Variants in PCDHA13 observed in about 807,000 individuals in gnomAD.
PCDHA13 encodes protocadherin alpha-13.
A neutral mutation model predicts 64.8 loss-of-function variants in PCDHA13; 54 were observed. The ratio of observed to expected loss-of-function variants is 0.83; its 90% confidence interval spans 0.67 to 1.04. The LOEUF (loss-of-function observed/expected upper bound fraction) is 1.04, where lower values mean the gene tolerates loss of function less well. Among genes scored for constraint, PCDHA13 ranks in the 50% least tolerant of loss-of-function variants. PCDHA13 has a pLI of 0.00. For missense variants in PCDHA13, 1,248 were observed against 1,254.3 expected, an observed-to-expected ratio of 0.99 and a Z score of 0.08; for synonymous variants, 587 against 564.4, an observed-to-expected ratio of 1.04 and a Z score of -0.57.
chr5:141,006,383 T>C (rs1431976303), intron 3 of PCDHA13, among the ~76,000 whole-genome samples: 1 of 151,992 alleles, frequency 6.6e-6, no homozygotes, highest in African/African-American at 2.4e-5. Context: ...GGCTAAGTTT[T>C]TTCTATTTTT....
rs1554181343 is a variant in PCDHA13, at chr5:140,884,223, A to G, written c.1955A>G (p.Lys652Arg). ...CACCACCGCCTTCTGGTGCTGGTGAAGGACCACGGTGAGCCCGCGCTGACG... is the reference window on the plus strand; with the variant it reads ...CACCACCGCCTTCTGGTGCTGGTGAGGGACCACGGTGAGCCCGCGCTGACG... ...APHHRLLVLV[K>R]DHGEPALTAT... is the part of the protein sequence containing the mutation. The change falls in exon 1 of 4, where the codon AAG becomes AGG. Residue 652 changes from lysine to arginine, a missense_variant. Coordinates refer to ENST00000289272, the MANE Select transcript of PCDHA13 (RefSeq NM_018904.3). 1.1e-5 allele frequency: 17 copies of G among 1,613,364 alleles called. No homozygotes were observed. The highest frequency in any genetic ancestry group is 1.7e-5 in the Admixed American group (1 of 59,998).
chr5:140,895,309 C>A (rs1327911944), intron 1 of PCDHA13, among the ~76,000 whole-genome samples: 1 of 152,124 alleles, frequency 6.6e-6, no homozygotes, highest in African/African-American at 2.4e-5. Context: ...CCCCCTTCCA[C>A]CCATGACTAT....
chr5:140,979,110 C>A, intron 2 of PCDHA13, 103 bp downstream of exon 2: 1 of 1,515,726 alleles, frequency 6.6e-7, no homozygotes, highest in East Asian at 2.3e-5. Flanking sequence ...AACTAAAAAG[C>A]TTTAGGTACT....
chr5:140,997,785 A>G (rs537383326), intron 3 of PCDHA13, among the ~76,000 whole-genome samples: 2 of 152,218 alleles, frequency 1.3e-5, no homozygotes, highest in Admixed American at 1.3e-4. Flanking sequence ...GTATACCTAT[A>G]TTATAATTTA....
At chr5:140,953,911 AG>A (rs1554221121) in intron 1 of PCDHA13, among the ~76,000 whole-genome samples, 1 of 152,120 alleles carries the variant, frequency 6.6e-6, no homozygotes, top group South Asian at 2.1e-4. Flanking sequence ...AGCATCCATT[AG>A]GTATTCTTCC....
intron 1 of PCDHA13, among the ~76,000 whole-genome samples, chr5:140,924,643 C>G (rs2081929149): frequency 1.3e-5 from 2 of 152,196 alleles, no homozygotes; most frequent in Admixed American, 1.3e-4. Flanking sequence ...ACCTGTAATC[C>G]CAGCACTTTG....
At chr5:140,987,050 C>G (rs781947211) in intron 3 of PCDHA13, among the ~76,000 whole-genome samples, 34 of 151,840 alleles carry the variant, frequency 2.2e-4, no homozygotes, top group Non-Finnish European at 2.5e-4. Context: ...CCCATCTCTA[C>G]TAAAGTTACA....
chr5:140,938,979 C>T (rs1485638673), intron 1 of PCDHA13, among the ~76,000 whole-genome samples: 2 of 152,158 alleles, frequency 1.3e-5, no homozygotes, highest in Non-Finnish European at 2.9e-5. Flanking sequence ...TCAAGGCTAT[C>T]CTGGCTTTAT....
chr5:140,971,599 A>G (rs891227830), intron 1 of PCDHA13, among the ~76,000 whole-genome samples: 1 of 152,140 alleles, frequency 6.6e-6, no homozygotes, highest in African/African-American at 2.4e-5. Flanking sequence ...GTTACTACAG[A>G]TGGCAGGAGA....
intron 1 of PCDHA13, among the ~76,000 whole-genome samples, chr5:140,976,855 G>A (rs946538789): frequency 9.9e-5 from 15 of 152,142 alleles, no homozygotes; most frequent in Non-Finnish European, 1.5e-4. Flanking sequence ...CTTTCATAGA[G>A]TTTACTGTCT....
chr5:140,980,890 C>G (rs1554242450), intron 2 of PCDHA13, among the ~76,000 whole-genome samples: 1 of 152,104 alleles, frequency 6.6e-6, no homozygotes, highest in African/African-American at 2.4e-5. Flanking sequence ...TCTTTCCAGT[C>G]TTGGACATCA....
intron 1 of PCDHA13, chr5:140,967,414 C>T: frequency 6.2e-7 from 1 of 1,613,156 alleles, no homozygotes; most frequent in African/African-American, 1.3e-5. Context: ...AGGGCCTAGA[C>T]CGGGAGCAGG....
At chr5:140,960,446 T>C (rs1563310715) in intron 1 of PCDHA13, among the ~76,000 whole-genome samples, 2 of 152,204 alleles carry the variant, frequency 1.3e-5, no homozygotes, top group African/African-American at 4.8e-5. Context: ...GATATATGTA[T>C]GGATAATTTT....
At chr5:140,971,695 A>G (rs563817946) in intron 1 of PCDHA13, among the ~76,000 whole-genome samples, 26 of 152,062 alleles carry the variant, frequency 1.7e-4, no homozygotes, top group Admixed American at 5.2e-4. Flanking sequence ...GTACTCACTA[A>G]CCACCCTGCT....
intron 3 of PCDHA13, among the ~76,000 whole-genome samples, chr5:140,993,375 C>T (rs1238667698): frequency 1.3e-5 from 2 of 151,770 alleles, no homozygotes; most frequent in Non-Finnish European, 2.9e-5. Flanking sequence ...ACCTCCCAGC[C>T]GGGTCCCTGA....
chr5:140,987,858 T>C (rs1203158352), intron 3 of PCDHA13, among the ~76,000 whole-genome samples: 1 of 152,142 alleles, frequency 6.6e-6, no homozygotes, highest in African/African-American at 2.4e-5. Context: ...CCACATCTCT[T>C]TACTCTGTGG....
chr5:140,980,856 G>GT (rs2096908809), intron 2 of PCDHA13, among the ~76,000 whole-genome samples: 1 of 151,886 alleles, frequency 6.6e-6, no homozygotes, highest in Admixed American at 6.6e-5. Context: ...AATCTTTTTC[G>GT]TATGTGTGCT....
At chr5:140,901,311 C>T (rs1242541248) in intron 1 of PCDHA13, among the ~76,000 whole-genome samples, 3 of 152,052 alleles carry the variant, frequency 2.0e-5, no homozygotes, top group Non-Finnish European at 4.4e-5. Context: ...GGAGAGTTTC[C>T]CCAATGTTTT....
At position 140,884,656 on chromosome 5, in the gene PCDHA13, G is replaced by GA. The variant is rs1317691755; in HGVS notation, c.2391dup (p.Glu798ArgfsTer8). 1.2e-6 allele frequency: 2 copies of GA among 1,602,060 alleles called. No individual in the cohort carries two copies. Among genetic ancestry groups the GA allele is most frequent in the Non-Finnish European group, 1.7e-6 (2 of 1,174,768 alleles). ...AGAGGGAGGAGGACTCAGAATGCTTGAAAGAGGTAAGCTTATATTTTAAAA... is the reference window on the plus strand; with the variant it reads ...AGAGGGAGGAGGACTCAGAATGCTTGAAAAGAGGTAAGCTTATATTTTAAAA... On this transcript the variant is annotated frameshift_variant, in exon 1 of 4. Transcript: ENST00000289272. LOFTEE classifies it high-confidence loss of function.
Sources: gnomAD v4.1 joint callset for allele counts (sites outside exome capture counted in the v4.1 genomes callset) on GRCh38, gnomAD v4.1.1 for gene constraint, MANE v1.5 for transcripts, NCBI Gene and HGNC (gene_info 2026-07-23, HGNC 2026-07-21) for gene names.